Variants in PLCH1 observed in about 807,000 individuals in gnomAD.
PLCH1 encodes the protein phospholipase C eta 1.
A neutral mutation model predicts 126.7 loss-of-function variants in PLCH1; 60 were observed. The ratio of observed to expected loss-of-function variants is 0.47; its 90% CI spans 0.38 to 0.59. The LOEUF is 0.59. Among genes scored for constraint, PLCH1 ranks in the 20% least tolerant of loss-of-function variants. The probability of loss-of-function intolerance (pLI) is 0.00; values close to 1 mark genes in which losing one functional copy is unlikely to be tolerated. For synonymous variants in PLCH1, 719 were observed against 734.9 expected, an observed-to-expected ratio of 0.98 and a Z score of 0.35; for missense variants, 1,723 against 2,040.0, an observed-to-expected ratio of 0.84 and a Z score of 2.99.
At chr3:155,510,281 C>T (rs1719256124) in intron 12 of PLCH1, among the ~76,000 whole-genome samples, 1 of 101,744 alleles carries the variant, frequency 9.8e-6, no homozygotes, top group African/African-American at 5.0e-5. Flanking sequence ...CTGAATACAG[C>T]ACACTGATGG....
intron 11 of PLCH1, among the ~76,000 whole-genome samples, chr3:155,521,415 C>T (rs1683133770): frequency 6.6e-6 from 1 of 152,152 alleles, no homozygotes; most frequent in South Asian, 2.1e-4. Flanking sequence ...ATTGAATGTA[C>T]AAATGAATCT....
intron 2 of PLCH1, among the ~76,000 whole-genome samples, chr3:155,634,084 C>T (rs970605355): frequency 6.6e-6 from 1 of 152,180 alleles, no homozygotes; most frequent in Non-Finnish European, 1.5e-5. Context: ...TTACCATCCA[C>T]GGGTGCCAAG....
At chr3:155,723,953 CAAAAA>C (rs34436223) in intron 1 of PLCH1, among the ~76,000 whole-genome samples, 6 of 80,076 alleles carry the variant, frequency 7.5e-5, no homozygotes, top group African/African-American at 1.7e-4. Context: ...AACTCCATCT[CAAAAA>C]AAAAAAAAAA....
At chr3:155,694,434 A>G (rs555678744) in intron 2 of PLCH1, among the ~76,000 whole-genome samples, 29 of 152,364 alleles carry the variant, frequency 1.9e-4, no homozygotes, top group Middle Eastern at 3.4e-3. Context: ...TAGAGATGAT[A>G]AGCTTCTACT....
chr3:155,678,332 G>A (rs187298529), intron 2 of PLCH1, among the ~76,000 whole-genome samples: 1 of 152,302 alleles, frequency 6.6e-6, no homozygotes, highest in Non-Finnish European at 1.5e-5. Flanking sequence ...ACCGTTGAGG[G>A]CCAAGCCACT....
At chr3:155,682,559 C>A (rs1461616231) in intron 2 of PLCH1, among the ~76,000 whole-genome samples, 2 of 152,162 alleles carry the variant, frequency 1.3e-5, no homozygotes, top group Non-Finnish European at 2.9e-5. Flanking sequence ...GGAACACATA[C>A]CCCACATGAG....
At chr3:155,545,568 G>A (rs1378325777) in intron 10 of PLCH1, among the ~76,000 whole-genome samples, 3 of 142,610 alleles carry the variant, frequency 2.1e-5, no homozygotes, top group South Asian at 2.3e-4. Flanking sequence ...TACCAAAGCC[G>A]GGCAGAGACA....
chr3:155,616,260 T>C (rs1271321100), intron 2 of PLCH1, among the ~76,000 whole-genome samples: 1 of 152,202 alleles, frequency 6.6e-6, no homozygotes, highest in Admixed American at 6.5e-5. Context: ...CTGTCTAATT[T>C]AGAGGGTTTA....
chr3:155,565,214 A>T, intron 7 of PLCH1, 96 bp from the exon 8 acceptor site: 2 of 731,794 alleles, frequency 2.7e-6, no homozygotes, highest in Non-Finnish European at 4.7e-6. Context: ...GTTCATAATG[A>T]TTATCTTATT....
chr3:155,655,067 G>A (rs1337471450), intron 2 of PLCH1, among the ~76,000 whole-genome samples: 1 of 152,036 alleles, frequency 6.6e-6, no homozygotes, highest in Non-Finnish European at 1.5e-5. Flanking sequence ...ATGTTATATG[G>A]TTCACTCCCT....
intron 2 of PLCH1, among the ~76,000 whole-genome samples, chr3:155,628,712 T>C (rs898096133): frequency 3.3e-5 from 5 of 152,196 alleles, no homozygotes; most frequent in African/African-American, 9.6e-5. Flanking sequence ...AGGAAAGATA[T>C]CTTTTCTCTT....
At chr3:155,613,168 A>G (rs1735351091) in intron 2 of PLCH1, among the ~76,000 whole-genome samples, 1 of 152,184 alleles carries the variant, frequency 6.6e-6, no homozygotes, top group South Asian at 2.1e-4. Context: ...AAAAATTGCC[A>G]GCAAAAAAAT....
chr3:155,565,236 T>C lies in PLCH1; in HGVS notation c.866-118A>G, dbSNP rs72996914. ...ATGATTATCTTATTTACCCTCAGGA[T>C]GGCATTTGTGGGGAAAACTGGAGCA... On this transcript the variant is annotated intron_variant, in intron 7 of 22. Coordinates refer to ENST00000460012, the MANE Select transcript of PLCH1 (RefSeq NM_014996.4). 3,847 of 651,432 alleles carry C rather than the reference T, an allele frequency of 5.9e-3. 113 individuals carry two copies. In the African/African-American group the frequency reaches 0.061, roughly 10 times the overall value. The allele number at this position is 651,432 out of a possible 1,614,324, so 40.4% of individuals were successfully genotyped here.
chr3:155,567,591 C>A (rs899584110), intron 7 of PLCH1, among the ~76,000 whole-genome samples: 1 of 152,174 alleles, frequency 6.6e-6, no homozygotes, highest in Non-Finnish European at 1.5e-5. Flanking sequence ...AGATCCTCCT[C>A]TTGGGTGGCA....
chr3:155,489,392 T>C (rs1715825591), intron 19 of PLCH1, among the ~76,000 whole-genome samples: 2 of 152,188 alleles, frequency 1.3e-5, no homozygotes, highest in South Asian at 4.1e-4. Flanking sequence ...TATATATTAC[T>C]GACTTTCAAA....
At chr3:155,733,477 G>A (rs1169471683) in intron 1 of PLCH1, among the ~76,000 whole-genome samples, 2 of 152,152 alleles carry the variant, frequency 1.3e-5, no homozygotes, top group Admixed American at 6.6e-5. Context: ...GGAAAGAACA[G>A]TCTCTTCGAT....
At chr3:155,618,371 C>G (rs1736042185) in intron 2 of PLCH1, among the ~76,000 whole-genome samples, 1 of 152,038 alleles carries the variant, frequency 6.6e-6, no homozygotes, top group African/African-American at 2.4e-5. Flanking sequence ...TCCTGAGGCC[C>G]TATAGGCTAA....
At chr3:155,478,393 G>C (rs938184471), downstream of PLCH1, among the ~76,000 whole-genome samples, 1 of 152,102 alleles carries the variant, frequency 6.6e-6, no homozygotes, top group African/African-American at 2.4e-5. Context: ...AATAAAGAGT[G>C]TAATTGGATT....
intron 21 of PLCH1, among the ~76,000 whole-genome samples, chr3:155,466,009 G>A (rs1198215761): frequency 6.6e-6 from 1 of 152,222 alleles, no homozygotes; most frequent in African/African-American, 2.4e-5. Flanking sequence ...TTTGACTCCA[G>A]TTCCTGACTC....
Sources: allele counts gnomAD v4.1 joint callset (sites outside exome capture counted in the v4.1 genomes callset), GRCh38; gene constraint gnomAD v4.1.1; transcripts MANE v1.5; gene names NCBI Gene and HGNC (gene_info 2026-07-23, HGNC 2026-07-21).